DNAI7: variants seen among roughly 807,000 people sequenced by gnomAD.
The protein encoded by DNAI7 is dynein axonemal intermediate chain 7.
A neutral mutation model predicts 86.6 loss-of-function variants in DNAI7; 78 were observed. The ratio of observed to expected loss-of-function variants is 0.90; its 90% confidence interval spans 0.75 to 1.09. The LOEUF (loss-of-function observed/expected upper bound fraction) is 1.09, where lower values mean the gene tolerates loss of function less well. Among genes scored for constraint, DNAI7 ranks in the 50% least tolerant of loss-of-function variants. DNAI7 has a pLI of 0.00. For synonymous variants in DNAI7, 274 were observed against 273.0 expected, an observed-to-expected ratio of 1.00 and a Z score of -0.04; for missense variants, 753 against 810.2, an observed-to-expected ratio of 0.93 and a Z score of 0.86.
intron 8 of DNAI7, among the ~76,000 whole-genome samples, chr12:25,145,304 T>G (rs1944688086): frequency 6.6e-6 from 1 of 152,164 alleles, no homozygotes; most frequent in African/African-American, 2.4e-5. Context: ...TGATATCTTG[T>G]AAGTACTTCA....
chr12:25,161,070 C>T, intron 3 of DNAI7, 43 bp downstream of exon 3: 1 of 1,439,746 alleles, frequency 6.9e-7, no homozygotes, highest in Non-Finnish European at 9.8e-7. Flanking sequence ...CCTATCGTGA[C>T]TATTACCTGT....
At position 25,121,870 on chromosome 12, in the gene DNAI7, G is replaced by T. The variant is rs1013340991; in HGVS notation, c.1122C>A (p.Phe374Leu). 8 of 1,592,746 alleles carry T rather than the reference G, an allele frequency of 5.0e-6. No homozygotes were observed. The highest frequency in any genetic ancestry group is 1.7e-4 in the Middle Eastern group (1 of 6,004). ...LVENSSEKPDFFEDNVVDLCQ... is the reference protein window; with the variant it reads ...LVENSSEKPDLFEDNVVDLCQ... ...ATAAATCCACCACATTGTCTTCAAA[G>T]AAATCTGGCTTTTCAGAAGAATTCT... The change falls in exon 11 of 16, where the codon TTC becomes TTA. Residue 374 changes from phenylalanine to leucine, a missense_variant. Transcript: ENST00000395987.
chr12:25,107,453 C>T (rs760046805), downstream of DNAI7, among the ~76,000 whole-genome samples: 1 of 152,182 alleles, frequency 6.6e-6, no homozygotes, highest in Non-Finnish European at 1.5e-5. Flanking sequence ...CTACTGTACA[C>T]ACACATAAGT....
chr12:25,142,473 G>T (rs1592373543), intron 9 of DNAI7, among the ~76,000 whole-genome samples: 1 of 151,176 alleles, frequency 6.6e-6, no homozygotes, highest in East Asian at 1.9e-4. Flanking sequence ...AATGCCACCT[G>T]TTCCCCAAAA....
At chr12:25,113,913 A>G (rs1157790431) in intron 13 of DNAI7, among the ~76,000 whole-genome samples, 8 of 129,608 alleles carry the variant, frequency 6.2e-5, no homozygotes, top group Admixed American at 4.5e-4. Context: ...ATTACAGGCT[A>G]TGTAATTTCT....
rs1240065096 is a variant in DNAI7 at position 25,144,483 on chromosome 12, T to A, written c.884A>T (p.Glu295Val). The change falls in exon 9 of 16, where the codon GAA becomes GTA. Residue 295 changes from glutamate to valine, a missense_variant. Glu to Val is a moderately radical substitution (Grantham distance 121, BLOSUM62 -2). Coordinates refer to ENST00000395987, the MANE Select transcript of DNAI7 (RefSeq NM_018272.5). ...ELVKDDVKNV[E>V]KAISKEVEEE... ...TTCGACCTCCTTGCTGATTGCTTTT[T>A]CTACATTCTTAACATCATCTTTGAC... The A allele has an allele frequency of 6.2e-7, 1 of 1,614,184 alleles. No individual in the cohort carries two copies. The highest frequency in any genetic ancestry group is 1.1e-5 in the South Asian group (1 of 91,086).
intron 2 of DNAI7, among the ~76,000 whole-genome samples, chr12:25,176,629 G>T (rs970197574): frequency 2.6e-5 from 4 of 151,784 alleles, no homozygotes; most frequent in African/African-American, 9.7e-5. Context: ...ATCAGAATAG[G>T]TTATAGTAAC....
At position 25,154,382 on chromosome 12, in the gene DNAI7, C is replaced by G; in HGVS notation, c.375G>C (p.Leu125Phe). ...VAQEMNTFISLWKEKTNETFE... is the reference protein window; with the variant it reads ...VAQEMNTFISFWKEKTNETFE... ...AAGTCTCATTTGTTTTCTCTTTCCA[C>G]AAACTAATAAACGTGTTCATTTCTT... Residue 125 changes from leucine to phenylalanine, a missense_variant, in exon 6 of 16, where the codon TTG becomes TTC. Coordinates refer to ENST00000395987, the MANE Select transcript of DNAI7 (RefSeq NM_018272.5). 1 of 1,611,804 alleles carries G rather than the reference C, an allele frequency of 6.2e-7. No individual in the cohort carries two copies. Among genetic ancestry groups the G allele is most frequent in the Non-Finnish European group, 8.5e-7 (1 of 1,179,332 alleles).
Position 25,108,449 on chromosome 12 carries a change from T to C in DNAI7, c.*99A>G. 5 of 990,926 alleles carry C rather than the reference T, an allele frequency of 5.0e-6. No homozygotes were observed. Among genetic ancestry groups the C allele is most frequent in the South Asian group, 2.3e-5 (1 of 42,980 alleles). The allele number at this position is 990,926 out of a possible 1,614,324, so 61.4% of individuals were successfully genotyped here. On this transcript the variant is annotated 3_prime_UTR_variant, in exon 16 of 16. Coordinates refer to ENST00000395987, the MANE Select transcript of DNAI7 (RefSeq NM_018272.5). ...GATTAGAAAATTTTTAATAGTTGAT[T>C]TGAAATGTATTCATTCACTCATTAC...
At chr12:25,163,428 C>A (rs947273045) in intron 2 of DNAI7, among the ~76,000 whole-genome samples, 1 of 152,186 alleles carries the variant, frequency 6.6e-6, no homozygotes, top group Non-Finnish European at 1.5e-5. Flanking sequence ...TGTGACCCCC[C>A]ACTCCTGCCT....
At position 25,158,583 on chromosome 12, in the gene DNAI7, T is replaced by C. The variant is rs752466880; in HGVS notation, c.107-20A>G. The stretch of plus-strand genomic sequence containing the variant: ...CTTCCTCTAAAGAACCAAAAATAAT[T>C]TTTTTCTCAGTGAATAGATCACTGT... On this transcript the variant is annotated intron_variant, in intron 3 of 15. Coordinates refer to ENST00000395987, the MANE Select transcript of DNAI7 (RefSeq NM_018272.5). The C allele has an allele frequency of 2.2e-5, 35 of 1,602,852 alleles. No individual in the cohort carries two copies. Among genetic ancestry groups the C allele is most frequent in the Non-Finnish European group, 2.0e-5 (23 of 1,174,350 alleles).
chr12:25,185,945 C>T (rs1282854627), intron 2 of DNAI7, among the ~76,000 whole-genome samples: 1 of 152,284 alleles, frequency 6.6e-6, no homozygotes, highest in East Asian at 1.9e-4. Flanking sequence ...AAAATCTCTT[C>T]ACAGTTGTAT....
intron 3 of DNAI7, among the ~76,000 whole-genome samples, chr12:25,159,263 T>G (rs1054956597): frequency 2.0e-5 from 3 of 152,178 alleles, no homozygotes; most frequent in Admixed American, 2.0e-4. Flanking sequence ...TTCCCCTACT[T>G]AATTTGAGAA....
chr12:25,167,409 C>T (rs1051354891), intron 2 of DNAI7, among the ~76,000 whole-genome samples: 2 of 152,226 alleles, frequency 1.3e-5, no homozygotes, highest in East Asian at 3.9e-4. Context: ...TGGCAGGGGA[C>T]CCTCCAATAC....
In DNAI7 at chr12:25,158,530, A is replaced by C. The variant is rs770272931; in HGVS notation, c.140T>G (p.Met47Arg). Residue 47 changes from methionine to arginine, a missense_variant, in exon 4 of 16, where the codon ATG becomes AGG. Transcript: ENST00000395987. The part of the protein sequence containing the change: ...EARLKYEKEE[M>R]ERLEIQRIEK... ...AATTCGCTGTATTTCAAGCCTTTCC[A>C]TTTCTTCTTTCTCATATTTCAAACG... is the stretch of plus-strand genomic sequence containing the variant. 6 of 1,612,732 alleles carry C rather than the reference A, an allele frequency of 3.7e-6. No individual in the cohort carries two copies. Among genetic ancestry groups the C allele is most frequent in the Non-Finnish European group, 5.1e-6 (6 of 1,179,660 alleles).
chr12:25,173,797 TAC>T (rs972517055), intron 2 of DNAI7, among the ~76,000 whole-genome samples: 48 of 150,884 alleles, frequency 3.2e-4, no homozygotes, highest in African/African-American at 7.5e-4. Flanking sequence ...ATCATATATA[TAC>T]ACACACATCA....
chr12:25,189,022 A>G (rs1950283561), intron 2 of DNAI7, among the ~76,000 whole-genome samples: 1 of 152,242 alleles, frequency 6.6e-6, no homozygotes, highest in Admixed American at 6.5e-5. Flanking sequence ...TCATGGGTCC[A>G]AGTGACTGAC....
chr12:25,190,968 AG>A (rs1950461962), intron 1 of DNAI7, among the ~76,000 whole-genome samples: 1 of 152,234 alleles, frequency 6.6e-6, no homozygotes, highest in Admixed American at 6.5e-5. Context: ...CTAGTCAAGA[AG>A]GCACTAGTTT....
chr12:25,163,558 G>A (rs1947084487), intron 2 of DNAI7, among the ~76,000 whole-genome samples: 1 of 152,118 alleles, frequency 6.6e-6, no homozygotes, highest in Non-Finnish European at 1.5e-5. Flanking sequence ...CCTGCACCCA[G>A]GTGATTAAAG....
Sources: allele counts gnomAD v4.1 joint callset (sites outside exome capture counted in the v4.1 genomes callset), GRCh38; gene constraint gnomAD v4.1.1; transcripts MANE v1.5; gene names NCBI Gene and HGNC (gene_info 2026-07-23, HGNC 2026-07-21).